The following NEAT1 variants were observed in gnomAD, a reference collection of about 807,000 sequenced individuals.
The protein encoded by NEAT1 is nuclear paraspeckle assembly transcript 1, also known as MENepsilon/beta.
exon 1 of NEAT1, chr11:65,442,625 G>GT (rs112438939): frequency 0.04 from 6,121 of 152,370 alleles, 394 homozygotes; most frequent in African/African-American, 0.14. Context: ...GCTCACGCCT[G>GT]AATCTTAGCA....
At chr11:65,435,944 G>C (rs1380461477) in exon 1 of NEAT1, 2 of 152,250 alleles carry the variant, frequency 1.3e-5, no homozygotes, top group Admixed American at 1.3e-4. Context: ...GGTATTTAAT[G>C]ATCTTTTATT....
exon 1 of NEAT1, chr11:65,426,640 G>A (rs924504047): frequency 6.6e-6 from 1 of 152,190 alleles, no homozygotes; most frequent in African/African-American, 2.4e-5. Flanking sequence ...CTAGCTCCAA[G>A]TAATTAAGGC....
exon 1 of NEAT1, chr11:65,429,978 A>G (rs11227190): frequency 6.6e-6 from 1 of 152,358 alleles, no homozygotes; most frequent in East Asian, 1.9e-4. Context: ...TGTTTCCTGA[A>G]TGGGCCCCTG....
At chr11:65,430,204 T>C (rs1856602127) in exon 1 of NEAT1, 1 of 152,420 alleles carries the variant, frequency 6.6e-6, no homozygotes, top group Non-Finnish European at 1.5e-5. Context: ...CAGTGAACTC[T>C]CCTGCCTCTG....
exon 1 of NEAT1, chr11:65,423,468 C>T (rs1007341281): frequency 4.6e-5 from 7 of 152,112 alleles, no homozygotes; most frequent in African/African-American, 1.7e-4. Context: ...GAAGCCAGGC[C>T]CCTGGGCGGA....
exon 1 of NEAT1, chr11:65,423,816 G>A (rs1253978521): frequency 2.0e-5 from 3 of 152,256 alleles, no homozygotes; most frequent in Non-Finnish European, 4.4e-5. Flanking sequence ...GAGGAAGAGA[G>A]GCCTTCCCGC....
Position 65,429,690 on chromosome 11 carries a change from G to C in NEAT1, n.6893G>C, listed in dbSNP as rs540177337. 5.9e-5 allele frequency: 9 copies of C among 152,232 alleles called. No homozygotes were observed. In the East Asian group the frequency reaches 1.7e-3, roughly 29 times the overall value. The allele number at this position is 152,232 out of a possible 1,614,324, so 9.4% of individuals were successfully genotyped here. ...AGATAAAAGTTAAACGATTTTCTTA[G>C]GTTAGTTTATCACTGTGGTTTCTGA... is the stretch of plus-strand genomic sequence containing the variant. On this transcript the variant is annotated non_coding_transcript_exon_variant, in exon 1 of 1. Coordinates refer to ENST00000501122, the Ensembl canonical transcript of NEAT1.
chr11:65,425,504 C>T (rs1225989445), exon 1 of NEAT1: 1 of 152,150 alleles, frequency 6.6e-6, no homozygotes, highest in African/African-American at 2.4e-5. Context: ...CCCTTAGCAA[C>T]TTAGGTGGTT....
At chr11:65,437,183 TTATA>T (rs1197288595) in exon 1 of NEAT1, 1 of 139,098 alleles carries the variant, frequency 7.2e-6, no homozygotes, top group East Asian at 2.0e-4. Flanking sequence ...GCTCTTTAGT[TTATA>T]TATATATGTA....
exon 1 of NEAT1, chr11:65,434,629 A>G (rs1394577745): frequency 6.6e-6 from 1 of 151,696 alleles, no homozygotes; most frequent in Non-Finnish European, 1.5e-5. Flanking sequence ...GATCATCGTC[A>G]TACACAACCC....
chr11:65,444,199 C>G (rs575502846), exon 1 of NEAT1: 1 of 306,812 alleles, frequency 3.3e-6, no homozygotes, highest in Admixed American at 4.6e-5. Flanking sequence ...CAACACATTC[C>G]CCACCCCTTT....
exon 1 of NEAT1, chr11:65,423,573 G>A (rs73484377): frequency 0.015 from 2,281 of 152,438 alleles, 47 homozygotes; most frequent in African/African-American, 0.052. Flanking sequence ...CGGGGACTGC[G>A]AGGCACGCTG....
At position 65,427,016 on chromosome 11, in the gene NEAT1, GT is replaced by G. The variant is rs1401304959; in HGVS notation, n.4226del. The G allele has an allele frequency of 3.3e-5, 5 of 152,074 alleles. No homozygotes were observed. The East Asian group carries it at 7.7e-4, about 23-fold the overall frequency. The allele number at this position is 152,074 out of a possible 1,614,324, so 9.4% of individuals were successfully genotyped here. Reference sequence around the variant, plus strand: ...CTTACCTCACTAAAGAATTTGCCTTGTTTTTTTCCTTTTGGTGAGTGACTAA... The same window carrying G: ...CTTACCTCACTAAAGAATTTGCCTTGTTTTTTCCTTTTGGTGAGTGACTAA... On this transcript the variant is annotated non_coding_transcript_exon_variant, in exon 1 of 1. Coordinates refer to ENST00000501122, the Ensembl canonical transcript of NEAT1.
exon 1 of NEAT1, chr11:65,428,687 GTGGC>G (rs1856585426): frequency 1.3e-5 from 2 of 152,226 alleles, no homozygotes; most frequent in Non-Finnish European, 2.9e-5. Context: ...TCCAAGGCAG[GTGGC>G]TGTGAACTTC....
exon 1 of NEAT1, chr11:65,433,223 A>G (rs1469935804): frequency 6.6e-6 from 1 of 152,206 alleles, no homozygotes; most frequent in African/African-American, 2.4e-5. Flanking sequence ...TTGCTAGATC[A>G]AATGGTTCTT....
chr11:65,444,580 G>A (rs1856748941), exon 1 of NEAT1: 1 of 470,548 alleles, frequency 2.1e-6, no homozygotes, highest in African/African-American at 2.0e-5. Context: ...AGAGCTCGTG[G>A]GGGGCTCCCA....
exon 1 of NEAT1, chr11:65,424,914 G>C (rs1004422744): frequency 3.3e-5 from 5 of 152,092 alleles, no homozygotes; most frequent in Admixed American, 2.6e-4. Flanking sequence ...CACCGGTCCC[G>C]TGGGCGTTGC....
chr11:65,428,074 C>T (rs187078525), exon 1 of NEAT1: 5 of 152,248 alleles, frequency 3.3e-5, no homozygotes, highest in South Asian at 2.1e-4. Flanking sequence ...CAGGTGAGAT[C>T]GACAGGAGGT....
chr11:65,438,486 C>T (rs531354771), exon 1 of NEAT1: 3 of 152,172 alleles, frequency 2.0e-5, no homozygotes, highest in South Asian at 2.1e-4. Flanking sequence ...AGAACTTTTT[C>T]GTCATCCCAA....
Sources: gnomAD v4.1 joint callset for allele counts on GRCh38, gnomAD v4.1.1 for gene constraint, MANE v1.5 for transcripts, NCBI Gene and HGNC (gene_info 2026-07-23, HGNC 2026-07-21) for gene names.